Variants in NEGR1 observed in about 807,000 individuals in gnomAD.
NEGR1 encodes IgLON family member 4.
In NEGR1, 10 loss-of-function variants were observed where a neutral mutation model predicts 40.9. The observed-to-expected ratio is 0.24, with a 90% CI of 0.15 to 0.42. The LOEUF is 0.42. Ranked by LOEUF, NEGR1 falls within the 10% of genes least tolerant of loss-of-function variation. The probability of loss-of-function intolerance (pLI) is 1.00; values close to 1 mark genes in which losing one functional copy is unlikely to be tolerated. For synonymous variants in NEGR1, 185 were observed against 166.8 expected, an observed-to-expected ratio of 1.11 and a Z score of -0.84; for missense variants, 352 against 438.9, an observed-to-expected ratio of 0.80 and a Z score of 1.77.
intron 1 of NEGR1, among the ~76,000 whole-genome samples, chr1:72,136,142 A>C (rs1322177020): frequency 3.3e-5 from 5 of 152,212 alleles, no homozygotes; most frequent in African/African-American, 1.2e-4. Context: ...AAAAAAAAGC[A>C]ATAAAAACCG....
chr1:71,848,247 C>A (rs148914637), intron 2 of NEGR1, among the ~76,000 whole-genome samples: 355 of 152,236 alleles, frequency 2.3e-3, no homozygotes, highest in African/African-American at 8.1e-3. Flanking sequence ...GAAGCTGCAG[C>A]AAATTATCCA....
intron 1 of NEGR1, among the ~76,000 whole-genome samples, chr1:72,266,070 G>A (rs1655628209): frequency 6.6e-6 from 1 of 150,778 alleles, no homozygotes; most frequent in Non-Finnish European, 1.5e-5. Context: ...TCCCATCCAT[G>A]TTATTACATC....
At chr1:71,566,861 G>T (rs950542563) in intron 6 of NEGR1, among the ~76,000 whole-genome samples, 5 of 152,096 alleles carry the variant, frequency 3.3e-5, no homozygotes, top group African/African-American at 1.2e-4. Flanking sequence ...ACTGGTGAGG[G>T]CCCGTTCTTC....
At chr1:72,192,010 T>A (rs936051226) in intron 1 of NEGR1, among the ~76,000 whole-genome samples, 1 of 151,982 alleles carries the variant, frequency 6.6e-6, no homozygotes, top group African/African-American at 2.4e-5. Flanking sequence ...CATATAAAAT[T>A]ATAGTCTTTA....
At chr1:71,635,380 C>G (rs967778523) in intron 4 of NEGR1, among the ~76,000 whole-genome samples, 1 of 151,824 alleles carries the variant, frequency 6.6e-6, no homozygotes, top group Non-Finnish European at 1.5e-5. Flanking sequence ...TGGAAGAGAG[C>G]CAGAAAGGAT....
intron 3 of NEGR1, among the ~76,000 whole-genome samples, chr1:71,703,842 A>AT (rs745892997): frequency 1.9e-4 from 29 of 151,964 alleles, no homozygotes; most frequent in South Asian, 4.1e-4. Context: ...ATATATAAAT[A>AT]TTGGGGGGGG....
At chr1:71,715,910 C>T (rs1654256391) in intron 3 of NEGR1, among the ~76,000 whole-genome samples, 1 of 152,150 alleles carries the variant, frequency 6.6e-6, no homozygotes, top group African/African-American at 2.4e-5. Context: ...TCCAAAGTTG[C>T]TTTCACATTT....
At chr1:71,831,586 G>A (rs1291675393) in intron 2 of NEGR1, among the ~76,000 whole-genome samples, 2 of 151,958 alleles carry the variant, frequency 1.3e-5, no homozygotes, top group Non-Finnish European at 2.9e-5. Context: ...TGTCATCAGA[G>A]GGCTCATTAT....
intron 3 of NEGR1, among the ~76,000 whole-genome samples, chr1:71,763,827 A>AAAACACTTG (rs1656031451): frequency 6.6e-6 from 1 of 151,984 alleles, no homozygotes; most frequent in Non-Finnish European, 1.5e-5. Context: ...ATCAGGAAAA[A>AAAACACTTG]AAACACTTGC....
intron 3 of NEGR1, among the ~76,000 whole-genome samples, chr1:71,700,031 T>C (rs1434441520): frequency 1.3e-5 from 2 of 151,920 alleles, no homozygotes; most frequent in African/African-American, 4.8e-5. Flanking sequence ...TTATCAGCAG[T>C]GCGAAAGCGA....
chr1:71,547,451 C>T (rs1647936220), intron 6 of NEGR1, among the ~76,000 whole-genome samples: 1 of 151,728 alleles, frequency 6.6e-6, no homozygotes, highest in Admixed American at 6.6e-5. Flanking sequence ...TGTGTCTTCC[C>T]TGTTGGAGAG....
intron 1 of NEGR1, among the ~76,000 whole-genome samples, chr1:72,247,615 C>T (rs1654943452): frequency 6.6e-6 from 1 of 152,182 alleles, no homozygotes; most frequent in South Asian, 2.1e-4. Context: ...TCTTGGTCTT[C>T]ATGTCCATAT....
chr1:71,442,675 C>A (rs1646556035), intron 6 of NEGR1, among the ~76,000 whole-genome samples: 1 of 152,130 alleles, frequency 6.6e-6, no homozygotes, highest in South Asian at 2.1e-4. Context: ...TTTCACATCA[C>A]ATGGCAAAAT....
chr1:71,572,310 C>T (rs1648833578), intron 6 of NEGR1, among the ~76,000 whole-genome samples: 1 of 152,126 alleles, frequency 6.6e-6, no homozygotes, highest in African/African-American at 2.4e-5. Flanking sequence ...CTAATTCCTC[C>T]TAGGGAAGAG....
At chr1:71,636,174 C>T (rs951393673) in intron 4 of NEGR1, among the ~76,000 whole-genome samples, 3 of 151,950 alleles carry the variant, frequency 2.0e-5, no homozygotes, top group African/African-American at 7.2e-5. Flanking sequence ...AAATATATTA[C>T]AATAAGTCCT....
intron 1 of NEGR1, among the ~76,000 whole-genome samples, chr1:71,958,041 T>A (rs1451443583): frequency 6.6e-6 from 1 of 152,226 alleles, no homozygotes; most frequent in East Asian, 1.9e-4. Context: ...ATTACCTCTT[T>A]GAAGTTCCCT....
chr1:72,261,867 T>A (rs893509366), intron 1 of NEGR1, among the ~76,000 whole-genome samples: 1 of 151,944 alleles, frequency 6.6e-6, no homozygotes, highest in Non-Finnish European at 1.5e-5. Context: ...CCAAAAGGTG[T>A]AAGGGTAGGA....
At chr1:71,782,623 A>G (rs964417322) in intron 2 of NEGR1, among the ~76,000 whole-genome samples, 2 of 152,178 alleles carry the variant, frequency 1.3e-5, no homozygotes, top group African/African-American at 4.8e-5. Context: ...GGCCTGACAC[A>G]TACAGGTTAT....
At chr1:72,111,060 A>G (rs1365298847) in intron 1 of NEGR1, among the ~76,000 whole-genome samples, 1 of 143,060 alleles carries the variant, frequency 7.0e-6, no homozygotes, top group East Asian at 2.1e-4. Context: ...AAATTTTTAG[A>G]TATATACATA....
Sources: allele counts gnomAD v4.1 joint callset (sites outside exome capture counted in the v4.1 genomes callset), GRCh38; gene constraint gnomAD v4.1.1; transcripts MANE v1.5; gene names NCBI Gene and HGNC (gene_info 2026-07-23, HGNC 2026-07-21).